Variants in ABCG2 observed in about 807,000 individuals in gnomAD.
The protein encoded by ABCG2 is broad substrate specificity ATP-binding cassette transporter ABCG2.
ABCG2 carries 80 observed loss-of-function variants against 73.5 expected under a neutral mutation model. The observed-to-expected ratio is 1.09, with a 90% CI of 0.91 to 1.31. The LOEUF is 1.31. Ranked by LOEUF, ABCG2 falls within the 50% of genes most tolerant of loss-of-function variation. ABCG2 has a pLI of 0.00. For missense variants in ABCG2, 796 were observed against 786.2 expected (o/e 1.01, Z -0.15); for synonymous variants, 269 against 282.4 (o/e 0.95, Z 0.48).
intron 11 of ABCG2, among the ~76,000 whole-genome samples, chr4:88,100,325 C>A (rs1237552236): frequency 6.6e-6 from 1 of 151,926 alleles, no homozygotes; most frequent in African/African-American, 2.4e-5. Flanking sequence ...CATGGCGAAA[C>A]CCCATCTCTA....
At chr4:88,127,465 G>A (rs1200246982) in intron 5 of ABCG2, among the ~76,000 whole-genome samples, 1 of 152,048 alleles carries the variant, frequency 6.6e-6, no homozygotes, top group Non-Finnish European at 1.5e-5. Flanking sequence ...GTATAGCCAA[G>A]ACAATCCTAT....
Position 88,099,943 on chromosome 4 carries a change from T to C in ABCG2, c.1368-495A>G, listed in dbSNP as rs45514191. Reference sequence around the variant, plus strand: ...CTTCTTACTTCTTCTACTCCCAAGTTAAAAAAAGAAAAAGACTTCTTCTTT... The same window carrying C: ...CTTCTTACTTCTTCTACTCCCAAGTCAAAAAAAGAAAAAGACTTCTTCTTT... On this transcript the variant is annotated intron_variant, in intron 11 of 15. Transcript: ENST00000237612. Among the ~76,000 whole-genome samples the C allele has an allele frequency of 1.6e-3, 240 of 151,968 alleles. 1 individual carries two copies. Among genetic ancestry groups the C allele is most frequent in the African/African-American group, 5.5e-3 (230 of 41,466 alleles).
In ABCG2 at chr4:88,109,067, C is replaced by T. The variant is rs374676877; in HGVS notation, c.1195-1801G>A. Among the ~76,000 whole-genome samples the T allele has an allele frequency of 1.9e-4, 28 of 149,244 alleles. No individual in the cohort carries two copies. In the South Asian group the frequency reaches 4.7e-3, roughly 25 times the overall value. Reference sequence around the variant, plus strand: ...TGGCTGGAGTGCAATGGCGCGATCTCGGCTCACTGTAACCTCCAGCTCCCA... The same window carrying T: ...TGGCTGGAGTGCAATGGCGCGATCTTGGCTCACTGTAACCTCCAGCTCCCA... On this transcript the variant is annotated intron_variant, in intron 9 of 15. Transcript: ENST00000237612.
intron 1 of ABCG2, among the ~76,000 whole-genome samples, chr4:88,185,658 T>C (rs1221357798): frequency 6.6e-6 from 1 of 152,048 alleles, no homozygotes; most frequent in African/African-American, 2.4e-5. Context: ...AAAAACTCTA[T>C]AAAAAACTAA....
chr4:88,117,448 C>A (rs1723657300), intron 7 of ABCG2, among the ~76,000 whole-genome samples: 1 of 152,082 alleles, frequency 6.6e-6, no homozygotes, highest in Non-Finnish European at 1.5e-5. Flanking sequence ...TCCTGGCTAA[C>A]AGGGTGAAAC....
chr4:88,093,372 T>C (rs940192478), intron 15 of ABCG2, among the ~76,000 whole-genome samples: 3 of 151,972 alleles, frequency 2.0e-5, no homozygotes, highest in South Asian at 2.1e-4. Flanking sequence ...GGTGTGGTGG[T>C]GGGCACCTGT....
At chr4:88,122,033 GCTATGCC>G (rs1198842841) in intron 5 of ABCG2, among the ~76,000 whole-genome samples, 1 of 152,060 alleles carries the variant, frequency 6.6e-6, no homozygotes. Context: ...CTTGGGTGAG[GCTATGCC>G]TCACCCAGGA....
In ABCG2 at chr4:88,094,660, C is replaced by T. The variant is rs1488051122; in HGVS notation, c.1738-1G>A. ...CCAAAAATTCATTATGCTGCAAAGCCTATAACACAAGTGGGAGCAGGGCAA... is the reference window on the plus strand; with the variant it reads ...CCAAAAATTCATTATGCTGCAAAGCTTATAACACAAGTGGGAGCAGGGCAA... On this transcript the variant is annotated splice_acceptor_variant, in intron 14 of 15. Transcript: ENST00000237612. LOFTEE classifies it high-confidence loss of function. 3 of 1,612,552 alleles carry T rather than the reference C, an allele frequency of 1.9e-6. No individual in the cohort carries two copies. In the African/African-American group the frequency reaches 4.0e-5, roughly 22 times the overall value.
At chr4:88,105,956 G>T (rs769795124) in intron 10 of ABCG2, among the ~76,000 whole-genome samples, 1 of 152,138 alleles carries the variant, frequency 6.6e-6, no homozygotes, top group Non-Finnish European at 1.5e-5. Flanking sequence ...AAAAGTGTTG[G>T]TAAGGATATG....
intron 1 of ABCG2, among the ~76,000 whole-genome samples, chr4:88,230,009 A>AT (rs1730390262): frequency 6.7e-6 from 1 of 149,488 alleles, no homozygotes; most frequent in Admixed American, 6.7e-5. Flanking sequence ...TATTATTATT[A>AT]GAGACAGAGT....
upstream of ABCG2, chr4:88,163,470 G>C (rs1727393721): frequency 6.0e-6 from 1 of 165,700 alleles, no homozygotes; most frequent in African/African-American, 2.4e-5. Flanking sequence ...GGTAGTGTCA[G>C]GTCCCTTAGG....
chr4:88,115,917 G>A (rs1237470437), intron 7 of ABCG2, among the ~76,000 whole-genome samples: 1 of 152,136 alleles, frequency 6.6e-6, no homozygotes, highest in Admixed American at 6.5e-5. Context: ...GTCCAGCGCT[G>A]GGTGCAATGG....
At chr4:88,161,934 A>G (rs1339331851), upstream of ABCG2, among the ~76,000 whole-genome samples, 1 of 147,242 alleles carries the variant, frequency 6.8e-6, no homozygotes, top group South Asian at 2.2e-4. Context: ...GATGATGAGC[A>G]TTTCTTCATG....
At position 88,158,557 on chromosome 4, in the gene ABCG2, G is replaced by C. The variant is rs1002112887; in HGVS notation, c.-191C>G. 6 of 456,422 alleles carry C rather than the reference G, an allele frequency of 1.3e-5. No individual in the cohort carries two copies. Among genetic ancestry groups the C allele is most frequent in the Non-Finnish European group, 2.2e-5 (5 of 226,978 alleles). 28.3% of individuals were successfully genotyped at this position (456,422 alleles called of 1,614,324 possible). On this transcript the variant is annotated 5_prime_UTR_variant, in exon 1 of 16. Transcript: ENST00000237612. ...TAACAAGACCACCAAGCATGTGCAC[G>C]GTGCGTTCCTAAATCCTACCCAGTT...
At chr4:88,205,130 A>G (rs1279808478) in intron 1 of ABCG2, among the ~76,000 whole-genome samples, 1 of 152,188 alleles carries the variant, frequency 6.6e-6, no homozygotes, top group Non-Finnish European at 1.5e-5. Context: ...GGGGCACACT[A>G]GGAAATGTCT....
Position 88,113,432 on chromosome 4 carries a change from AC to A in ABCG2, c.1064del (p.Gly355ValfsTer42), listed in dbSNP as rs780334268. 8 of 1,613,768 alleles carry A rather than the reference AC, an allele frequency of 5.0e-6. No homozygotes were observed. In the African/African-American group the frequency reaches 1.1e-4, roughly 22 times the overall value. On this transcript the variant is annotated frameshift_variant, in exon 9 of 16. Transcript: ENST00000237612. LOFTEE classifies it high-confidence loss of function. ...AGACTGTGATCTTCTTCTTCTTCTC[AC>A]CCCCGGAAAGTTGATGTAATTCAGC... The part of the protein sequence containing the change: ...TKAELHQLSG[G>X]EKKKKITVFK...
At chr4:88,141,524 GA>G (rs2110058530) in intron 1 of ABCG2, among the ~76,000 whole-genome samples, 1 of 152,316 alleles carries the variant, frequency 6.6e-6, no homozygotes, top group African/African-American at 2.4e-5. Flanking sequence ...GCCCTGGAAA[GA>G]GATCCCAAAA....
At chr4:88,185,225 G>A (rs35677388) in intron 1 of ABCG2, among the ~76,000 whole-genome samples, 43,467 of 151,952 alleles carry the variant, frequency 0.29, 6,870 homozygotes, top group Middle Eastern at 0.42. Flanking sequence ...TTAGCTGGGC[G>A]TGGTTGTGGG....
At chr4:88,169,053 T>TC (rs1162164173) in intron 1 of ABCG2, among the ~76,000 whole-genome samples, 4 of 151,284 alleles carry the variant, frequency 2.6e-5, no homozygotes, top group Non-Finnish European at 5.9e-5. Flanking sequence ...TATCTTTTTT[T>TC]TTTTTTTTTT....
Sources: allele counts gnomAD v4.1 joint callset (sites outside exome capture counted in the v4.1 genomes callset), GRCh38; gene constraint gnomAD v4.1.1; transcripts MANE v1.5; gene names NCBI Gene and HGNC (gene_info 2026-07-23, HGNC 2026-07-21).